Variants in FNIP2 observed in about 807,000 individuals in gnomAD.
FNIP2 encodes the protein folliculin interacting protein 2, also known as folliculin-interacting protein 2.
In FNIP2, 32 loss-of-function variants were observed where a neutral mutation model predicts 108.7. That is an observed-to-expected ratio of 0.29 (90% CI 0.22 to 0.40). FNIP2 has a LOEUF of 0.40. Ranked by LOEUF, FNIP2 falls within the 10% of genes least tolerant of loss-of-function variation. FNIP2 has a pLI of 1.00. For synonymous variants in FNIP2, 480 were observed against 496.7 expected, an observed-to-expected ratio of 0.97 and a Z score of 0.45; for missense variants, 1,202 against 1,381.6, an observed-to-expected ratio of 0.87 and a Z score of 2.06.
intron 7 of FNIP2, among the ~76,000 whole-genome samples, chr4:158,847,239 G>C (rs150100763): frequency 6.6e-6 from 1 of 152,252 alleles, no homozygotes; most frequent in East Asian, 1.9e-4. Context: ...GTGGACTTGG[G>C]GTGCACACAG....
intron 1 of FNIP2, among the ~76,000 whole-genome samples, chr4:158,819,297 A>T (rs774616651): frequency 6.6e-6 from 1 of 152,248 alleles, no homozygotes; most frequent in African/African-American, 2.4e-5. Flanking sequence ...GGATTTACAT[A>T]TCACCTACTT....
At chr4:158,780,775 A>G (rs972202254) in intron 1 of FNIP2, among the ~76,000 whole-genome samples, 50 of 152,302 alleles carry the variant, frequency 3.3e-4, no homozygotes, top group African/African-American at 1.2e-3. Flanking sequence ...GCTCACGCCT[A>G]TAATCCCAGC....
chr4:158,828,576 G>A (rs1045204136), intron 2 of FNIP2, among the ~76,000 whole-genome samples: 5 of 152,000 alleles, frequency 3.3e-5, no homozygotes, highest in South Asian at 4.1e-4. Context: ...AGATCATGCC[G>A]CTGCACTACA....
intron 14 of FNIP2, chr4:158,890,087 G>T: frequency 1.0e-6 from 1 of 985,340 alleles, no homozygotes; most frequent in Non-Finnish European, 1.2e-6. Flanking sequence ...TACAAAATGA[G>T]AACTGTCTTG....
At chr4:158,896,604 G>A (rs1478793517) in intron 16 of FNIP2, among the ~76,000 whole-genome samples, 2 of 152,082 alleles carry the variant, frequency 1.3e-5, no homozygotes, top group Non-Finnish European at 2.9e-5. Flanking sequence ...AAGAGACTGG[G>A]GCCTTTGTGT....
chr4:158,905,105 CTGTT>C lies in FNIP2; in HGVS notation c.*564_*567del, dbSNP rs1334060423. Reference sequence around the variant, plus strand: ...TCAGCTCCAGTGGCTTTAGCAGTGACTGTTTGACATAAAACATGTAAGAATTGCT... The same window carrying C: ...TCAGCTCCAGTGGCTTTAGCAGTGACTGACATAAAACATGTAAGAATTGCT... On this transcript the variant is annotated 3_prime_UTR_variant, in exon 17 of 17. Coordinates refer to ENST00000264433, the MANE Select transcript of FNIP2 (RefSeq NM_020840.3). 15 of 152,600 alleles carry C rather than the reference CTGTT, an allele frequency of 9.8e-5. No individual in the cohort carries two copies. The highest frequency in any genetic ancestry group is 3.4e-4 in the African/African-American group (14 of 41,572). 9.5% of individuals were successfully genotyped at this position (152,600 alleles called of 1,614,324 possible).
rs867867588 is a variant in FNIP2 at position 158,883,535 on chromosome 4, C to T, written c.2950-7911C>T. ...GGATTACAGGCGTGAGCCATCGCGC[C>T]CAGCCTCCCTTTGTGTTTTAAAGAG... is the stretch of plus-strand genomic sequence containing the variant. On this transcript the variant is annotated intron_variant, in intron 14 of 16. Transcript: ENST00000264433. Among the ~76,000 whole-genome samples, 11 of 152,316 alleles carry T rather than the reference C, an allele frequency of 7.2e-5. 1 individual carries two copies. In the Middle Eastern group the frequency reaches 0.017, roughly 235 times the overall value.
intron 7 of FNIP2, 128 bp downstream of exon 7, chr4:158,835,604 C>A (rs980900037): frequency 4.1e-6 from 3 of 733,698 alleles, no homozygotes; most frequent in Non-Finnish European, 6.9e-6. Context: ...CTAAGATAGT[C>A]TGACATATCT....
intron 1 of FNIP2, among the ~76,000 whole-genome samples, chr4:158,789,514 CTAAAAG>C (rs929516508): frequency 1.4e-4 from 21 of 152,146 alleles, no homozygotes; most frequent in African/African-American, 4.8e-4. Flanking sequence ...GCTCTGAGCT[CTAAAAG>C]TAAACTTACA....
intron 16 of FNIP2, among the ~76,000 whole-genome samples, chr4:158,896,734 A>T (rs1278233231): frequency 6.8e-6 from 1 of 146,948 alleles, no homozygotes; most frequent in Admixed American, 6.7e-5. Flanking sequence ...CCCCCTTATG[A>T]GGTGTTTGCT....
chr4:158,824,170 G>A (rs926909178), intron 1 of FNIP2, among the ~76,000 whole-genome samples: 1 of 152,172 alleles, frequency 6.6e-6, no homozygotes, highest in African/African-American at 2.4e-5. Context: ...CCAATCCTCT[G>A]AGGCAATTAT....
At chr4:158,854,663 C>T (rs943538787) in intron 8 of FNIP2, among the ~76,000 whole-genome samples, 1 of 152,102 alleles carries the variant, frequency 6.6e-6, no homozygotes, top group African/African-American at 2.4e-5. Flanking sequence ...ATTGAGGGAC[C>T]CAAGGAAAAC....
intron 1 of FNIP2, among the ~76,000 whole-genome samples, chr4:158,781,819 G>T (rs1776059372): frequency 6.6e-6 from 1 of 151,922 alleles, no homozygotes; most frequent in Admixed American, 6.6e-5. Flanking sequence ...GGCCCAGCCT[G>T]GATTTACATT....
intron 3 of FNIP2, among the ~76,000 whole-genome samples, chr4:158,830,807 A>G (rs1778440703): frequency 6.6e-6 from 1 of 152,212 alleles, no homozygotes; most frequent in Admixed American, 6.5e-5. Flanking sequence ...TGGTTTGCTC[A>G]GCATTCATAC....
intron 1 of FNIP2, among the ~76,000 whole-genome samples, chr4:158,786,363 C>T (rs906342709): frequency 6.6e-6 from 1 of 152,158 alleles, no homozygotes; most frequent in African/African-American, 2.4e-5. Flanking sequence ...TCACCAAATA[C>T]CTGTGTACTA....
intron 14 of FNIP2, among the ~76,000 whole-genome samples, chr4:158,880,597 A>ACT: frequency 6.6e-6 from 1 of 152,302 alleles, no homozygotes; most frequent in Middle Eastern, 3.4e-3. Context: ...TAATAATAAT[A>ACT]AAAAAAATTC....
chr4:158,877,230 G>A (rs905308798), intron 14 of FNIP2, among the ~76,000 whole-genome samples: 1 of 152,108 alleles, frequency 6.6e-6, no homozygotes, highest in South Asian at 2.1e-4. Flanking sequence ...TCAAGGCCAC[G>A]GATTGAATTT....
intron 16 of FNIP2, 38 bp from the exon 17 acceptor site, chr4:158,904,428 C>G: frequency 1.3e-6 from 2 of 1,511,982 alleles, no homozygotes; most frequent in Non-Finnish European, 1.8e-6. Flanking sequence ...AAACCATGCT[C>G]TTTTAAAGTA....
At chr4:158,881,271 G>C (rs1488050583) in intron 14 of FNIP2, among the ~76,000 whole-genome samples, 2 of 126,828 alleles carry the variant, frequency 1.6e-5, no homozygotes, top group African/African-American at 3.4e-5. Flanking sequence ...CTCTTTCCAC[G>C]TTCTCCCTCT....
Sources: allele counts gnomAD v4.1 joint callset (sites outside exome capture counted in the v4.1 genomes callset), GRCh38; gene constraint gnomAD v4.1.1; transcripts MANE v1.5; gene names NCBI Gene and HGNC (gene_info 2026-07-23, HGNC 2026-07-21).